The following CUX1 variants were observed in gnomAD, a reference collection of about 807,000 sequenced individuals.
CUX1 encodes the protein cut like homeobox 1.
Under a neutral mutation model 158.8 loss-of-function variants are expected in CUX1, and 31 were observed. The ratio of observed to expected loss-of-function variants is 0.20; its 90% CI spans 0.15 to 0.26. CUX1 has a LOEUF of 0.26. Ranked by LOEUF, CUX1 falls within the 10% of genes least tolerant of loss-of-function variation. The pLI is 1.00. For synonymous variants in CUX1, 879 were observed against 862.1 expected (o/e 1.02, Z -0.34); for missense variants, 1,589 against 2,014.6 (o/e 0.79, Z 4.04).
chr7:102,217,455 C>T (rs1797346113), intron 20 of CUX1, among the ~76,000 whole-genome samples: 1 of 152,280 alleles, frequency 6.6e-6, no homozygotes, highest in South Asian at 2.1e-4. Flanking sequence ...GCTTCCTCCT[C>T]GTGCATTTCA....
At chr7:102,198,586 T>C (rs782122740) in intron 15 of CUX1, among the ~76,000 whole-genome samples, 1 of 152,172 alleles carries the variant, frequency 6.6e-6, no homozygotes, top group Non-Finnish European at 1.5e-5. Flanking sequence ...CTACTTAGAT[T>C]TCCCCCATCT....
chr7:101,844,182 C>T (rs1562918467), intron 1 of CUX1, among the ~76,000 whole-genome samples: 1 of 147,138 alleles, frequency 6.8e-6, no homozygotes, highest in South Asian at 2.3e-4. Context: ...GTCCCCCTCC[C>T]CGCCCCCGCC....
In CUX1 at chr7:101,944,658, G is replaced by A. The variant is rs1375714320; in HGVS notation, c.141+28433G>A. 3.9e-5 allele frequency among the ~76,000 whole-genome samples: 6 copies of A among 152,218 alleles called. No individual in the cohort carries two copies. The East Asian group carries it at 7.7e-4, about 20-fold the overall frequency. On this transcript the variant is annotated intron_variant, in intron 2 of 23. Coordinates refer to ENST00000292535, the MANE Select transcript of CUX1 (RefSeq NM_181552.4). ...AGCTCCTGCTAAGACACCCTGGGTCGTTTCCTCCGGGCAGTCCATGTCATC... is the reference window on the plus strand; with the variant it reads ...AGCTCCTGCTAAGACACCCTGGGTCATTTCCTCCGGGCAGTCCATGTCATC...
At chr7:101,821,671 C>T (rs369370441) in intron 1 of CUX1, among the ~76,000 whole-genome samples, 136 of 51,252 alleles carry the variant, frequency 2.7e-3, no homozygotes, top group South Asian at 7.8e-3. Context: ...TTTCTTTTTT[C>T]TTTTTTTTTT....
chr7:102,073,905 G>A (rs17495590), intron 4 of CUX1, among the ~76,000 whole-genome samples: 2,376 of 152,294 alleles, frequency 0.016, 35 homozygotes, highest in Non-Finnish European at 0.023. Flanking sequence ...AATACTAAAA[G>A]TCAATCAGAA....
chr7:101,904,135 C>CAT (rs1275427395), intron 1 of CUX1, among the ~76,000 whole-genome samples: 1 of 151,468 alleles, frequency 6.6e-6, no homozygotes, highest in Non-Finnish European at 1.5e-5. Context: ...CACACACACA[C>CAT]ACACACACAC....
chr7:102,068,440 G>A (rs1010793370), intron 3 of CUX1, among the ~76,000 whole-genome samples: 3 of 34,592 alleles, frequency 8.7e-5, no homozygotes, highest in Admixed American at 2.7e-4. Flanking sequence ...TTATCTTATC[G>A]GGTTGAGGGG....
intron 1 of CUX1, among the ~76,000 whole-genome samples, chr7:101,832,321 G>A (rs1794125705): frequency 1.3e-5 from 2 of 152,142 alleles, no homozygotes. Context: ...CCAGAGGGGT[G>A]CGAAAAACTG....
intron 6 of CUX1, among the ~76,000 whole-genome samples, chr7:102,108,818 G>A (rs900026183): frequency 6.7e-6 from 1 of 148,890 alleles, no homozygotes; most frequent in African/African-American, 2.5e-5. Context: ...GCAGTGACAC[G>A]ATCTCAGCTC....
chr7:102,096,068 T>C (rs1554483997), intron 4 of CUX1, among the ~76,000 whole-genome samples: 1 of 152,280 alleles, frequency 6.6e-6, no homozygotes, highest in Non-Finnish European at 1.5e-5. Flanking sequence ...TCCAGTTTTC[T>C]GGAAGTGAAT....
At chr7:102,170,770 C>T (rs1337977639) in intron 10 of CUX1, among the ~76,000 whole-genome samples, 2 of 152,108 alleles carry the variant, frequency 1.3e-5, no homozygotes, top group African/African-American at 4.8e-5. Flanking sequence ...CTGAGGCTAG[C>T]GTGGCATCCA....
Position 102,195,590 on chromosome 7 carries a change from C to A in CUX1, c.1209C>A (p.Asn403Lys). Residue 403 changes from asparagine to lysine, a missense_variant, in exon 14 of 24, where the codon AAC (asparagine) becomes AAA (lysine). Asn to Lys is a moderately conservative substitution (Grantham distance 94). Coordinates refer to ENST00000292535, the MANE Select transcript of CUX1 (RefSeq NM_181552.4). ...QSENAALRIS[N>K]SDLSGSARRK... ...AGAACGCCGCGCTGCGCATCTCCAA[C>A]AGCGACCTGAGCGGTAGGTTGGCCG... The A allele has an allele frequency of 6.2e-7, 1 of 1,609,080 alleles. No homozygotes were observed. Among genetic ancestry groups the A allele is most frequent in the South Asian group, 1.1e-5 (1 of 89,872 alleles).
At position 102,250,366 on chromosome 7, in the gene CUX1, C is replaced by T. The variant is rs56104629; in HGVS notation, c.*1324C>T. ...GGATCTCTCTCTGGCACAGAAGGCA[C>T]CTCACCTCACACCACTCTCCTGGAT... On this transcript the variant is annotated 3_prime_UTR_variant, in exon 24 of 24. Coordinates refer to ENST00000292535, the MANE Select transcript of CUX1 (RefSeq NM_181552.4). 0.048 allele frequency: 47,534 copies of T among 985,504 alleles called. 1,268 individuals carry two copies. Among genetic ancestry groups the T allele is most frequent in the Non-Finnish European group, 0.054 (44,708 of 829,978 alleles). 61.0% of individuals were successfully genotyped at this position (985,504 alleles called of 1,614,324 possible). A position where few individuals can be genotyped will look rare whatever the true frequency, so the allele number is the denominator to read the frequency against.
At chr7:102,271,847 C>T (rs574836485) in intron 14 of CUX1, among the ~76,000 whole-genome samples, 1 of 152,250 alleles carries the variant, frequency 6.6e-6, no homozygotes, top group Non-Finnish European at 1.5e-5. Flanking sequence ...CATTGCTAAA[C>T]CCCGTCTCTA....
At chr7:102,134,041 T>A (rs1200803544) in intron 8 of CUX1, among the ~76,000 whole-genome samples, 3 of 152,106 alleles carry the variant, frequency 2.0e-5, no homozygotes, top group Admixed American at 6.6e-5. Flanking sequence ...AATCTGGTTT[T>A]AAAAAAAGAT....
chr7:101,910,493 A>G (rs146078093), intron 1 of CUX1, among the ~76,000 whole-genome samples: 180 of 152,160 alleles, frequency 1.2e-3, no homozygotes, highest in Non-Finnish European at 2.1e-3. Context: ...ATGGTGGCTT[A>G]TGCCTGTAAT....
At chr7:101,955,303 T>G (rs1809624912) in intron 2 of CUX1, among the ~76,000 whole-genome samples, 1 of 152,218 alleles carries the variant, frequency 6.6e-6, no homozygotes, top group African/African-American at 2.4e-5. Context: ...AAAAAGGCAT[T>G]TCTTGCTTCT....
intron 6 of CUX1, among the ~76,000 whole-genome samples, chr7:102,110,002 T>G (rs1563256133): frequency 6.6e-6 from 1 of 152,104 alleles, no homozygotes; most frequent in East Asian, 1.9e-4. Flanking sequence ...GAGAACTATG[T>G]TTGCTGGAAT....
chr7:102,199,422 T>C (rs1306559011), intron 16 of CUX1, among the ~76,000 whole-genome samples: 1 of 152,240 alleles, frequency 6.6e-6, no homozygotes, highest in African/African-American at 2.4e-5. Flanking sequence ...GGCCAGCCCC[T>C]GGGCCATAGT....
Sources: allele counts gnomAD v4.1 joint callset (sites outside exome capture counted in the v4.1 genomes callset), GRCh38; gene constraint gnomAD v4.1.1; transcripts MANE v1.5; gene names NCBI Gene and HGNC (gene_info 2026-07-23, HGNC 2026-07-21).